UNC13C: variants seen among roughly 807,000 people sequenced by gnomAD.
UNC13C encodes protein unc-13 homolog C.
Under a neutral mutation model 245.4 loss-of-function variants are expected in UNC13C, and 174 were observed. That is an observed-to-expected ratio of 0.71 (90% CI 0.63 to 0.80). The LOEUF (loss-of-function observed/expected upper bound fraction) is 0.80. Ranked by LOEUF, UNC13C falls within the 30% of genes least tolerant of loss-of-function variation. The pLI, the probability that UNC13C is intolerant of heterozygous loss-of-function variation, is 0.00. For synonymous variants in UNC13C, 992 were observed against 895.1 expected (o/e 1.11, Z -1.93); for missense variants, 2,829 against 2,602.9 (o/e 1.09, Z -1.89).
the UNC13C span, among the ~76,000 whole-genome samples, chr15:53,888,681 A>G: frequency 6.6e-5 from 10 of 152,078 alleles, no homozygotes; most frequent in African/African-American, 1.7e-4. Context: ...TTATGGTTTT[A>G]GGTCTTATGT....
chr15:53,914,354 G>T, the UNC13C span: 1 of 152,192 alleles, frequency 6.6e-6, no homozygotes. Flanking sequence ...TGCTGTAAAA[G>T]GTAGAACTGC....
intron 8 of UNC13C, among the ~76,000 whole-genome samples, chr15:54,259,102 A>G (rs2036355704): frequency 6.6e-6 from 1 of 152,234 alleles, no homozygotes; most frequent in Non-Finnish European, 1.5e-5. Context: ...CTATAAGGCC[A>G]CTAATCCCAT....
intron 27 of UNC13C, among the ~76,000 whole-genome samples, chr15:54,548,825 T>C (rs1294042093): frequency 1.3e-5 from 2 of 152,182 alleles, no homozygotes; most frequent in Admixed American, 6.5e-5. Flanking sequence ...ATTCATTCAT[T>C]AAATAAATAT....
intron 2 of UNC13C, among the ~76,000 whole-genome samples, chr15:54,075,213 C>T (rs949462666): frequency 2.6e-5 from 4 of 151,998 alleles, no homozygotes; most frequent in South Asian, 2.1e-4. Flanking sequence ...AGGCCGGGCG[C>T]GGTGGCTCAT....
chr15:53,974,879 A>C (rs995141403), upstream of UNC13C: 5 of 152,200 alleles, frequency 3.3e-5, no homozygotes, highest in African/African-American at 7.2e-5. Context: ...CAGTGGTTGC[A>C]GTCATTTGAA....
intron 30 of UNC13C, among the ~76,000 whole-genome samples, chr15:54,599,415 A>T (rs1899279420): frequency 6.6e-6 from 1 of 152,120 alleles, no homozygotes; most frequent in African/African-American, 2.4e-5. Flanking sequence ...GTCTTGTACA[A>T]GCCTGCAGTG....
At chr15:54,427,243 T>C (rs576032441) in intron 19 of UNC13C, among the ~76,000 whole-genome samples, 7 of 151,924 alleles carry the variant, frequency 4.6e-5, no homozygotes, top group Admixed American at 4.6e-4. Flanking sequence ...GGGGAGATAA[T>C]TGAATCATGG....
intron 22 of UNC13C, among the ~76,000 whole-genome samples, chr15:54,501,350 T>C (rs1055414483): frequency 6.6e-6 from 1 of 152,176 alleles, no homozygotes; most frequent in Non-Finnish European, 1.5e-5. Flanking sequence ...TAGTGCAATG[T>C]ATATTGAACT....
At chr15:54,285,816 G>A (rs1413212253) in intron 10 of UNC13C, among the ~76,000 whole-genome samples, 1 of 148,478 alleles carries the variant, frequency 6.7e-6, no homozygotes, top group Non-Finnish European at 1.5e-5. Context: ...TTATTTTAAT[G>A]AATATATATT....
intron 1 of UNC13C, among the ~76,000 whole-genome samples, chr15:53,999,119 C>T (rs1224772166): frequency 6.6e-6 from 1 of 151,922 alleles, no homozygotes; most frequent in East Asian, 1.9e-4. Context: ...CCAAATAAAG[C>T]AATTGGACAG....
In UNC13C at chr15:54,041,353, A is replaced by G. The variant is rs539719381; in HGVS notation, c.2983+25467A>G. Among the ~76,000 whole-genome samples, 217 of 152,318 alleles carry G rather than the reference A, an allele frequency of 1.4e-3. 3 individuals carry two copies. Among genetic ancestry groups the G allele is most frequent in the African/African-American group, 5.1e-3 (210 of 41,572 alleles). The stretch of plus-strand genomic sequence containing the variant: ...TATTTTCTATTTTCTTTTTGTGATT[A>G]TAAATAACACTTCTCTGTATATAAA... On this transcript the variant is annotated intron_variant, in intron 2 of 32. Transcript: ENST00000260323.
intron 17 of UNC13C, among the ~76,000 whole-genome samples, chr15:54,380,662 G>A (rs535475346): frequency 5.3e-5 from 8 of 152,182 alleles, no homozygotes; most frequent in South Asian, 4.1e-4. Flanking sequence ...TCTGACAAGT[G>A]AAAGGTGATA....
At chr15:54,510,455 C>G (rs966952692) in intron 23 of UNC13C, among the ~76,000 whole-genome samples, 1 of 151,396 alleles carries the variant, frequency 6.6e-6, no homozygotes, top group African/African-American at 2.5e-5. Context: ...GGCTATGGAT[C>G]AGAATCATTT....
intron 17 of UNC13C, among the ~76,000 whole-genome samples, chr15:54,370,965 A>T (rs1488072203): frequency 2.6e-5 from 4 of 151,882 alleles, no homozygotes; most frequent in Non-Finnish European, 4.4e-5. Flanking sequence ...GGAATGACAA[A>T]ATATAGCTAA....
chr15:54,050,748 T>G (rs778185971), intron 2 of UNC13C: 33 of 578,532 alleles, frequency 5.7e-5, no homozygotes, highest in Non-Finnish European at 9.6e-5. Context: ...GTTCCACTAG[T>G]GAACAAGTTC....
chr15:54,167,602 GAAAAAAA>G (rs35210236), intron 4 of UNC13C, among the ~76,000 whole-genome samples: 47 of 63,576 alleles, frequency 7.4e-4, no homozygotes, highest in Middle Eastern at 0.015. Flanking sequence ...ATCCAAATAG[GAAAAAAA>G]AAAAAAAAAA....
At chr15:54,137,573 T>C (rs532042279) in intron 2 of UNC13C, among the ~76,000 whole-genome samples, 19 of 152,206 alleles carry the variant, frequency 1.2e-4, no homozygotes, top group Non-Finnish European at 2.2e-4. Flanking sequence ...TTCTAGTAAT[T>C]TATCCATTTC....
At chr15:54,102,137 ACAGATTAGG>A (rs927309518) in intron 2 of UNC13C, among the ~76,000 whole-genome samples, 10 of 151,116 alleles carry the variant, frequency 6.6e-5, no homozygotes, top group African/African-American at 2.4e-4. Flanking sequence ...TGAGACTCAC[ACAGATTAGG>A]CAAATTCCCA....
intron 28 of UNC13C, 108 bp downstream of exon 28, chr15:54,549,799 A>ATC: frequency 4.4e-6 from 3 of 684,402 alleles, no homozygotes; most frequent in Non-Finnish European, 7.2e-6. Context: ...GATTAAGAAG[A>ATC]TGTGTGTGTG....
Sources: allele counts gnomAD v4.1 joint callset (sites outside exome capture counted in the v4.1 genomes callset), GRCh38; gene constraint gnomAD v4.1.1; transcripts MANE v1.5; gene names NCBI Gene and HGNC (gene_info 2026-07-23, HGNC 2026-07-21).